Variants in PHF3 observed in about 807,000 individuals in gnomAD.
The protein encoded by PHF3 is PHD finger protein 3.
PHF3 carries 41 observed loss-of-function variants against 178.4 expected under a neutral mutation model. The observed-to-expected ratio is 0.23, with a 90% CI of 0.18 to 0.30. PHF3 has a LOEUF of 0.30. Ranked by LOEUF, PHF3 falls within the 10% of genes least tolerant of loss-of-function variation. The pLI, the probability that PHF3 is intolerant of heterozygous loss-of-function variation, is 1.00. For missense variants in PHF3, 2,346 were observed against 2,398.1 expected (o/e 0.98, Z 0.45); for synonymous variants, 842 against 800.5 (o/e 1.05, Z -0.88).
chr6:63,652,813 G>T (rs1412106153), intron 2 of PHF3, among the ~76,000 whole-genome samples: 1 of 151,968 alleles, frequency 6.6e-6, no homozygotes, highest in Non-Finnish European at 1.5e-5. Flanking sequence ...GATTGTTTTG[G>T]TGCCTTTGTT....
At chr6:63,683,466 ACTTTC>A (rs1390416939) in intron 3 of PHF3, among the ~76,000 whole-genome samples, 6 of 151,978 alleles carry the variant, frequency 3.9e-5, no homozygotes, top group Non-Finnish European at 7.4e-5. Context: ...AAATTTTCAT[ACTTTC>A]CTTATGATAC....
intron 2 of PHF3, among the ~76,000 whole-genome samples, chr6:63,656,095 A>C (rs1765223070): frequency 6.6e-6 from 1 of 152,250 alleles, no homozygotes; most frequent in Non-Finnish European, 1.5e-5. Flanking sequence ...TCACTTTATA[A>C]ATTCAGAAAA....
chr6:63,703,425 C>A, intron 10 of PHF3, 111 bp from the exon 11 acceptor site: 3 of 1,090,456 alleles, frequency 2.8e-6, no homozygotes, highest in East Asian at 2.9e-5. Flanking sequence ...AAAAACTTAT[C>A]TATGGAACAA....
chr6:63,691,696 T>TA (rs748475413), intron 4 of PHF3, 41 bp from the exon 5 acceptor site: 44 of 1,481,986 alleles, frequency 3.0e-5, no homozygotes, highest in Admixed American at 2.3e-5. Context: ...ATTTTCTTGT[T>TA]AAAAAAAGGG....
chr6:63,703,718 A>T, intron 11 of PHF3, 47 bp downstream of exon 11: 1 of 1,551,734 alleles, frequency 6.4e-7, no homozygotes, highest in Non-Finnish European at 8.7e-7. Flanking sequence ...ATTATGAAAG[A>T]AGGATACTTA....
At chr6:63,676,098 A>G (rs868486092) in intron 2 of PHF3, among the ~76,000 whole-genome samples, 1 of 152,142 alleles carries the variant, frequency 6.6e-6, no homozygotes, top group Non-Finnish European at 1.5e-5. Context: ...GTTACTTCCA[A>G]ATTTGTTCTT....
intron 3 of PHF3, among the ~76,000 whole-genome samples, chr6:63,683,689 GT>G (rs1473330190): frequency 6.6e-6 from 1 of 151,912 alleles, no homozygotes; most frequent in East Asian, 1.9e-4. Context: ...TTTAGTTCAG[GT>G]TTCTTTAGCA....
intron 8 of PHF3, among the ~76,000 whole-genome samples, chr6:63,700,084 T>C (rs1285090710): frequency 2.6e-5 from 4 of 152,218 alleles, no homozygotes; most frequent in Non-Finnish European, 4.4e-5. Context: ...CTGGGTAGAC[T>C]TAATACAACT....
chr6:63,643,089 A>G (rs1764645228), intron 1 of PHF3, among the ~76,000 whole-genome samples: 1 of 152,056 alleles, frequency 6.6e-6, no homozygotes, highest in South Asian at 2.1e-4. Context: ...ATAATGGTAA[A>G]TTACAGACTT....
chr6:63,674,731 T>C (rs1250119445), intron 2 of PHF3, among the ~76,000 whole-genome samples: 1 of 152,192 alleles, frequency 6.6e-6, no homozygotes, highest in African/African-American at 2.4e-5. Flanking sequence ...ATTGTTGTGA[T>C]ACTGCACAGA....
At chr6:63,672,935 T>G (rs1050361994) in intron 2 of PHF3, among the ~76,000 whole-genome samples, 19 of 152,294 alleles carry the variant, frequency 1.2e-4, no homozygotes, top group African/African-American at 4.3e-4. Context: ...TTCCCTTCCC[T>G]TTTTTGTCTA....
At chr6:63,698,051 C>G (rs1007725707) in intron 6 of PHF3, among the ~76,000 whole-genome samples, 172 bp from the exon 7 acceptor site, 2 of 152,092 alleles carry the variant, frequency 1.3e-5, no homozygotes, top group African/African-American at 4.8e-5. Context: ...TTTTTAGTCA[C>G]TATTCATTTT....
intron 2 of PHF3, among the ~76,000 whole-genome samples, chr6:63,670,924 G>GA (rs921659972): frequency 1.3e-5 from 2 of 151,810 alleles, no homozygotes; most frequent in African/African-American, 2.4e-5. Context: ...CTCTTTTACT[G>GA]AAAAAAATAT....
At position 63,712,422 on chromosome 6, in the gene PHF3, A is replaced by C. The variant is rs781247004; in HGVS notation, c.4834A>C (p.Asn1612His). ...ENNLQDNQTS[N>H]SSPCRSNVGK... ...TAATTTGCAAGATAACCAGACTTCA[A>C]ATAGTTCTCCATGCAGATCTAATGT... The change falls in exon 16 of 16, where the codon AAT (asparagine) becomes CAT (histidine). Residue 1612 changes from asparagine to histidine, a missense_variant. Asn to His is a moderately conservative substitution (Grantham distance 68, BLOSUM62 1). Coordinates refer to ENST00000262043, the MANE Select transcript of PHF3 (RefSeq NM_001370348.2). The C allele has an allele frequency of 6.2e-7, 1 of 1,613,956 alleles. No individual in the cohort carries two copies. The highest frequency in any genetic ancestry group is 8.5e-7 in the Non-Finnish European group (1 of 1,179,988).
At position 63,684,115 on chromosome 6, in the gene PHF3, T is replaced by C; in HGVS notation, c.407-14T>C. On this transcript the variant is annotated splice_polypyrimidine_tract_variant and intron_variant, in intron 3 of 15. Transcript: ENST00000262043. ...TAGCTAAGTATTTTTATTTATTTTTTCCCCCTGTGATAGAACAAGTAAGAA... is the reference window on the plus strand; with the variant it reads ...TAGCTAAGTATTTTTATTTATTTTTCCCCCCTGTGATAGAACAAGTAAGAA... 1 of 1,546,192 alleles carries C rather than the reference T, an allele frequency of 6.5e-7. No individual in the cohort carries two copies. Among genetic ancestry groups the C allele is most frequent in the Non-Finnish European group, 8.7e-7 (1 of 1,146,004 alleles).
chr6:63,699,079 C>G (rs1157092996), intron 8 of PHF3, among the ~76,000 whole-genome samples: 3 of 152,028 alleles, frequency 2.0e-5, no homozygotes, highest in African/African-American at 7.2e-5. Context: ...TTAAATATAA[C>G]TTTAGTTCCA....
intron 2 of PHF3, among the ~76,000 whole-genome samples, chr6:63,662,764 C>T (rs1399638793): frequency 3.9e-5 from 6 of 152,034 alleles, no homozygotes; most frequent in South Asian, 2.1e-4. Context: ...ATAACAAGAA[C>T]GATAAATTGT....
In PHF3 at chr6:63,653,742, C is replaced by T. The variant is rs560816767; in HGVS notation, c.244+6947C>T. 3.3e-5 allele frequency among the ~76,000 whole-genome samples: 5 copies of T among 152,180 alleles called. No individual in the cohort carries two copies. In the South Asian group the frequency reaches 1.0e-3, roughly 32 times the overall value. ...TGTTAGAGGAAAAACTTTCAACTTT[C>T]CCCCATTTAGTATGATGTTGACTGT... On this transcript the variant is annotated intron_variant, in intron 2 of 15. Transcript: ENST00000262043.
At chr6:63,668,844 T>C (rs1359003548) in intron 2 of PHF3, among the ~76,000 whole-genome samples, 1 of 152,218 alleles carries the variant, frequency 6.6e-6, no homozygotes, top group Non-Finnish European at 1.5e-5. Context: ...ACTTGCTGAT[T>C]TTTTTTCATT....
Sources: gnomAD v4.1 joint callset for allele counts (sites outside exome capture counted in the v4.1 genomes callset) on GRCh38, gnomAD v4.1.1 for gene constraint, MANE v1.5 for transcripts, NCBI Gene and HGNC (gene_info 2026-07-23, HGNC 2026-07-21) for gene names.